SLCO6A1: variants seen among roughly 807,000 people sequenced by gnomAD.
The protein encoded by SLCO6A1 is solute carrier organic anion transporter family member 6A1.
Under a neutral mutation model 72.7 loss-of-function variants are expected in SLCO6A1, and 65 were observed. The ratio of observed to expected loss-of-function variants is 0.89; its 90% CI spans 0.73 to 1.10. The LOEUF is 1.10. SLCO6A1 is among the 50% of genes least tolerant of loss of function. The pLI, the probability that SLCO6A1 is intolerant of heterozygous loss-of-function variation, is 0.00. For missense variants in SLCO6A1, 874 were observed against 872.6 expected (o/e 1.00, Z -0.02); for synonymous variants, 314 against 298.2 (o/e 1.05, Z -0.55).
chr5:102,436,438 C>CA (rs1023041132), intron 7 of SLCO6A1, among the ~76,000 whole-genome samples: 11 of 152,016 alleles, frequency 7.2e-5, no homozygotes, highest in African/African-American at 2.7e-4. Context: ...GGAAGTCAAG[C>CA]AAAAAAATGT....
chr5:102,445,223 C>T (rs114846953), intron 6 of SLCO6A1, among the ~76,000 whole-genome samples: 4,162 of 152,256 alleles, frequency 0.027, 183 homozygotes, highest in African/African-American at 0.095. Flanking sequence ...TGCAACCACA[C>T]CAGCATCTGT....
Position 102,388,812 on chromosome 5 carries a change from T to C in SLCO6A1, c.1893A>G (p.Gly631=), listed in dbSNP as rs1282293843. ...CTCCTGACATTTTAAAGATTGATGG[T>C]CCAGGAATAGTCCCTATGAAAAATG... ...VILRIFGTIP[G]PSIFKMSGET... The change falls in exon 12 of 14, where the codon GGA becomes GGG. Residue 631 remains glycine, a synonymous_variant. Coordinates refer to ENST00000506729, the MANE Select transcript of SLCO6A1 (RefSeq NM_173488.5). 4.4e-6 allele frequency: 7 copies of C among 1,600,050 alleles called. No individual in the cohort carries two copies. Among genetic ancestry groups the C allele is most frequent in the Non-Finnish European group, 6.0e-6 (7 of 1,176,402 alleles).
chr5:102,389,452 ACCCC>A (rs1203152155), intron 11 of SLCO6A1, among the ~76,000 whole-genome samples: 1 of 58,054 alleles, frequency 1.7e-5, no homozygotes, highest in Admixed American at 2.0e-4. Flanking sequence ...CCCGCCCCCC[ACCCC>A]CACACACACA....
chr5:102,483,888 T>A (rs184588420), intron 1 of SLCO6A1, among the ~76,000 whole-genome samples: 1 of 152,322 alleles, frequency 6.6e-6, no homozygotes, highest in East Asian at 1.9e-4. Context: ...ACAGAAGTGA[T>A]CTGGTGAGTT....
intron 6 of SLCO6A1, among the ~76,000 whole-genome samples, chr5:102,444,819 G>C (rs1384727437): frequency 1.3e-5 from 2 of 152,052 alleles, no homozygotes; most frequent in Non-Finnish European, 2.9e-5. Flanking sequence ...TGTCATAAGG[G>C]GGTGTGGTTT....
At chr5:102,412,791 C>T (rs1332847368) in intron 9 of SLCO6A1, among the ~76,000 whole-genome samples, 199 bp downstream of exon 9, 2 of 147,690 alleles carry the variant, frequency 1.4e-5, no homozygotes, top group South Asian at 2.1e-4. Flanking sequence ...AAAAAAAAAA[C>T]AAATTTTATT....
In SLCO6A1 at chr5:102,397,703, G is replaced by A. The variant is rs80201671; in HGVS notation, c.1814+1852C>T. Among the ~76,000 whole-genome samples, 234 of 152,224 alleles carry A rather than the reference G, an allele frequency of 1.5e-3. 2 individuals carry two copies. Among genetic ancestry groups the A allele is most frequent in the African/African-American group, 5.5e-3 (227 of 41,548 alleles). ...GCAGAAATATATGTTAGAGATACCT[G>A]TGATCTGTCAGTCCTTGGGTCCTCT... On this transcript the variant is annotated intron_variant, in intron 10 of 13. Coordinates refer to ENST00000506729, the MANE Select transcript of SLCO6A1 (RefSeq NM_173488.5).
chr5:102,408,197 A>G (rs1324126976), intron 9 of SLCO6A1, among the ~76,000 whole-genome samples: 1 of 152,112 alleles, frequency 6.6e-6, no homozygotes, highest in Non-Finnish European at 1.5e-5. Flanking sequence ...TTAATAAAAT[A>G]GAACAATTAT....
intron 10 of SLCO6A1, among the ~76,000 whole-genome samples, chr5:102,398,543 G>T (rs1299093725): frequency 6.6e-6 from 1 of 152,078 alleles, no homozygotes; most frequent in Non-Finnish European, 1.5e-5. Context: ...ATCTTTCACA[G>T]TCTTTTCAAA....
At position 102,458,510 on chromosome 5, in the gene SLCO6A1, A is replaced by C. The variant is rs1411470458; in HGVS notation, c.1022-19T>G. The C allele has an allele frequency of 3.1e-5, 48 of 1,563,460 alleles. No individual in the cohort carries two copies. The highest frequency in any genetic ancestry group is 4.1e-5 in the Non-Finnish European group (47 of 1,144,662). On this transcript the variant is annotated intron_variant, in intron 5 of 13. Coordinates refer to ENST00000506729, the MANE Select transcript of SLCO6A1 (RefSeq NM_173488.5). ...GTTGAACCTATATATAAACAAGTAA[A>C]AAAACTTATGACATATTCAAATAAC...
At chr5:102,486,994 G>A (rs1752472344) in intron 1 of SLCO6A1, among the ~76,000 whole-genome samples, 4 of 152,078 alleles carry the variant, frequency 2.6e-5, no homozygotes, top group Admixed American at 1.3e-4. Flanking sequence ...ATATAAAGCT[G>A]GCATTATCTA....
At chr5:102,376,682 A>G (rs1222392520) in intron 12 of SLCO6A1, among the ~76,000 whole-genome samples, 1 of 152,220 alleles carries the variant, frequency 6.6e-6, no homozygotes, top group African/African-American at 2.4e-5. Flanking sequence ...GAGCTAATTG[A>G]TATTATCAAA....
At chr5:102,471,956 T>A (rs1561489586) in intron 4 of SLCO6A1, among the ~76,000 whole-genome samples, 1 of 152,062 alleles carries the variant, frequency 6.6e-6, no homozygotes, top group Non-Finnish European at 1.5e-5. Flanking sequence ...CTGATAGCCA[T>A]GGCCTTCAGA....
At chr5:102,489,822 T>C (rs1019843931) in intron 1 of SLCO6A1, among the ~76,000 whole-genome samples, 2 of 152,206 alleles carry the variant, frequency 1.3e-5, no homozygotes, top group African/African-American at 2.4e-5. Context: ...ATATTCATAA[T>C]AGTTAAAATA....
At chr5:102,490,089 G>T (rs1430114439) in intron 1 of SLCO6A1, among the ~76,000 whole-genome samples, 1 of 152,122 alleles carries the variant, frequency 6.6e-6, no homozygotes, top group Non-Finnish European at 1.5e-5. Flanking sequence ...GGCTGGAGAG[G>T]GTGGAAGGAG....
At chr5:102,389,311 C>G (rs1471380652) in intron 11 of SLCO6A1, among the ~76,000 whole-genome samples, 1 of 151,878 alleles carries the variant, frequency 6.6e-6, no homozygotes, top group African/African-American at 2.4e-5. Flanking sequence ...TTATAGTAGC[C>G]CCAGATTCAG....
In SLCO6A1 at chr5:102,388,828, A is replaced by G. The variant is rs754733069; in HGVS notation, c.1880-3T>C. ...GATTGATGGTCCAGGAATAGTCCCT[A>G]TGAAAAATGCAATGATTGTAAATTC... On this transcript the variant is annotated splice_polypyrimidine_tract_variant and splice_region_variant and intron_variant, in intron 11 of 13. Coordinates refer to ENST00000506729, the MANE Select transcript of SLCO6A1 (RefSeq NM_173488.5). 4 of 1,589,908 alleles carry G rather than the reference A, an allele frequency of 2.5e-6. No homozygotes were observed. Among genetic ancestry groups the G allele is most frequent in the Non-Finnish European group, 3.4e-6 (4 of 1,173,506 alleles).
At position 102,413,019 on chromosome 5, in the gene SLCO6A1, T is replaced by C; in HGVS notation, c.1597A>G (p.Thr533Ala). ...EYFSPCFAGC[T>A]YSKAQNQKKM... The stretch of plus-strand genomic sequence containing the variant: ...TTTTGGTTTTGTGCTTTAGAATATG[T>C]ACACCCTGCAAAGCAGGGAGAAAAA... The change falls in exon 9 of 14, where the codon ACA becomes GCA. Residue 533 changes from threonine (T) to alanine (A), a missense_variant. Transcript: ENST00000506729. 6.5e-7 allele frequency: 1 copy of C among 1,535,458 alleles called. No individual in the cohort carries two copies. The highest frequency in any genetic ancestry group is 2.5e-5 in the East Asian group (1 of 40,654).
intron 8 of SLCO6A1, among the ~76,000 whole-genome samples, chr5:102,416,330 A>T (rs1748283226): frequency 6.6e-6 from 1 of 151,978 alleles, no homozygotes; most frequent in African/African-American, 2.4e-5. Context: ...GATTGAATTA[A>T]AAAATGTGAT....
Sources: gnomAD v4.1 joint callset for allele counts (sites outside exome capture counted in the v4.1 genomes callset) on GRCh38, gnomAD v4.1.1 for gene constraint, MANE v1.5 for transcripts, NCBI Gene and HGNC (gene_info 2026-07-23, HGNC 2026-07-21) for gene names.